LDB2: variants seen among roughly 807,000 people sequenced by gnomAD.
LDB2 encodes LIM domain-binding protein 2.
A neutral mutation model predicts 44.3 loss-of-function variants in LDB2; 12 were observed. The observed-to-expected ratio is 0.27, with a 90% CI of 0.17 to 0.44. The LOEUF (loss-of-function observed/expected upper bound fraction) is 0.44. Among genes scored for constraint, LDB2 ranks in the 20% least tolerant of loss-of-function variants. LDB2 has a pLI of 1.00. For missense variants in LDB2, 344 were observed against 473.5 expected (o/e 0.73, Z 2.54); for synonymous variants, 164 against 174.8 (o/e 0.94, Z 0.49).
intron 1 of LDB2, among the ~76,000 whole-genome samples, chr4:16,882,351 T>C (rs926179917): frequency 1.3e-5 from 2 of 152,236 alleles, no homozygotes; most frequent in African/African-American, 2.4e-5. Flanking sequence ...ATCAAAGCTG[T>C]AATAAAGCTA....
chr4:16,810,751 T>C (rs1779693793), intron 1 of LDB2, among the ~76,000 whole-genome samples: 2 of 149,146 alleles, frequency 1.3e-5, no homozygotes, highest in East Asian at 3.9e-4. Flanking sequence ...TCACGGAAGA[T>C]CCAGGGGGTC....
In LDB2 at chr4:16,847,122, C is replaced by T. The variant is rs28495876; in HGVS notation, c.132+51232G>A. On this transcript the variant is annotated intron_variant, in intron 1 of 7. Transcript: ENST00000304523. Reference sequence around the variant, plus strand: ...GGACCCCAATTAATGAAAAATCCCCCGTAATTGTTTTTATGGCAAGATAAA... The same window carrying T: ...GGACCCCAATTAATGAAAAATCCCCTGTAATTGTTTTTATGGCAAGATAAA... Among the ~76,000 whole-genome samples the T allele has an allele frequency of 3.3e-3, 501 of 152,152 alleles. 2 individuals carry two copies. The highest frequency in any genetic ancestry group is 0.01 in the African/African-American group (426 of 41,512).
intron 1 of LDB2, among the ~76,000 whole-genome samples, chr4:16,865,418 G>A (rs111940692): frequency 2.5e-4 from 38 of 152,172 alleles, no homozygotes; most frequent in African/African-American, 8.7e-4. Context: ...CGTTCCCTGC[G>A]ACCAGCTTGA....
chr4:16,615,649 G>A (rs1489372232), intron 2 of LDB2, among the ~76,000 whole-genome samples: 1 of 152,026 alleles, frequency 6.6e-6, no homozygotes, highest in Admixed American at 6.5e-5. Flanking sequence ...GGATCAATAG[G>A]TGCAGCAAAC....
chr4:16,803,770 A>G (rs188655920), intron 1 of LDB2, among the ~76,000 whole-genome samples: 5 of 152,346 alleles, frequency 3.3e-5, no homozygotes, highest in African/African-American at 1.2e-4. Context: ...AAATAGTCGT[A>G]CTTATTTTAG....
chr4:16,760,986 A>G (rs1767779127), intron 1 of LDB2, among the ~76,000 whole-genome samples: 2 of 151,608 alleles, frequency 1.3e-5, no homozygotes, highest in Admixed American at 1.3e-4. Flanking sequence ...CACAGTACGA[A>G]TCCACTTCTT....
intron 2 of LDB2, among the ~76,000 whole-genome samples, chr4:16,730,886 G>T (rs1760608668): frequency 6.6e-6 from 1 of 152,128 alleles, no homozygotes; most frequent in African/African-American, 2.4e-5. Context: ...CAACAATCCT[G>T]TTCCATTAAA....
chr4:16,607,701 A>G (rs1248337773), intron 2 of LDB2, among the ~76,000 whole-genome samples: 5 of 152,220 alleles, frequency 3.3e-5, no homozygotes, highest in Non-Finnish European at 5.9e-5. Flanking sequence ...CTGCATTGTA[A>G]TCATCAATTT....
rs550829857 is a variant in LDB2, at chr4:16,898,584, C to T, written c.-99G>A. 30 of 1,154,804 alleles carry T rather than the reference C, an allele frequency of 2.6e-5. No homozygotes were observed. The South Asian group carries it at 4.6e-4, about 18-fold the overall frequency. The allele number at this position is 1,154,804 out of a possible 1,614,324, so 71.5% of individuals were successfully genotyped here. A position where few individuals can be genotyped will look rare whatever the true frequency, so the allele number is the denominator to read the frequency against. On this transcript the variant is annotated 5_prime_UTR_variant, in exon 1 of 8. The change creates a new upstream start codon in the 5' untranslated region. Coordinates refer to ENST00000304523, the MANE Select transcript of LDB2 (RefSeq NM_001290.5). ...TCCCAGTACAAAGTAGACGCACGCA[C>T]ACACGCTCACACACACACAGAGGCA...
chr4:16,870,323 G>A (rs1029887371), intron 1 of LDB2, among the ~76,000 whole-genome samples: 7 of 152,150 alleles, frequency 4.6e-5, no homozygotes, highest in African/African-American at 1.4e-4. Flanking sequence ...GGTTAGAATT[G>A]GAAGGAAGTT....
At chr4:16,818,432 C>T (rs1452661411) in intron 1 of LDB2, among the ~76,000 whole-genome samples, 1 of 152,220 alleles carries the variant, frequency 6.6e-6, no homozygotes, top group African/African-American at 2.4e-5. Flanking sequence ...GATCATCCTA[C>T]TCTGCCACAC....
intron 2 of LDB2, among the ~76,000 whole-genome samples, chr4:16,734,435 G>A (rs1323740356): frequency 1.3e-5 from 2 of 152,148 alleles, no homozygotes; most frequent in African/African-American, 2.4e-5. Context: ...TCCCTGGAAC[G>A]GTGCCTTGGA....
intron 2 of LDB2, among the ~76,000 whole-genome samples, chr4:16,723,678 C>T (rs1159717309): frequency 6.6e-6 from 1 of 152,124 alleles, no homozygotes; most frequent in African/African-American, 2.4e-5. Context: ...CCACGTGGAC[C>T]TTCTGGATGT....
At chr4:16,812,582 T>TTATATATATATATATATATA (rs6148319) in intron 1 of LDB2, among the ~76,000 whole-genome samples, 92 of 115,530 alleles carry the variant, frequency 8.0e-4, no homozygotes, top group African/African-American at 2.1e-3. Context: ...ATCAATGAAA[T>TTATATATATATATATATATA]TATATATATA....
intron 1 of LDB2, among the ~76,000 whole-genome samples, chr4:16,863,814 C>T (rs1713632169): frequency 1.3e-5 from 2 of 152,138 alleles, no homozygotes; most frequent in Admixed American, 1.3e-4. Context: ...GCACCCGCCA[C>T]CACGCCCGGC....
intron 2 of LDB2, among the ~76,000 whole-genome samples, chr4:16,749,587 A>T (rs1973647): frequency 0.21 from 29,796 of 145,334 alleles, 3,936 homozygotes; most frequent in South Asian, 0.34. Context: ...AAAATAAAAA[A>T]AAATATATAT....
chr4:16,844,300 G>A (rs1421687684), intron 1 of LDB2, among the ~76,000 whole-genome samples: 1 of 127,824 alleles, frequency 7.8e-6, no homozygotes, highest in African/African-American at 2.9e-5. Flanking sequence ...GAGTCACCAA[G>A]CAACAGCTGT....
chr4:16,668,857 G>A (rs1042496092), intron 2 of LDB2, among the ~76,000 whole-genome samples: 2 of 152,064 alleles, frequency 1.3e-5, no homozygotes, highest in African/African-American at 4.8e-5. Context: ...CTCCTCTAAG[G>A]GTGACTCCCC....
At chr4:16,666,508 G>A (rs1036228174) in intron 2 of LDB2, among the ~76,000 whole-genome samples, 3 of 152,212 alleles carry the variant, frequency 2.0e-5, no homozygotes, top group Admixed American at 6.5e-5. Flanking sequence ...ATAAACATGA[G>A]CTTCCTGCCA....
Sources: allele counts gnomAD v4.1 joint callset (sites outside exome capture counted in the v4.1 genomes callset), GRCh38; gene constraint gnomAD v4.1.1; transcripts MANE v1.5; gene names NCBI Gene and HGNC (gene_info 2026-07-23, HGNC 2026-07-21).